Variants in SYNPR observed in about 807,000 individuals in gnomAD.
SYNPR encodes synaptoporin.
SYNPR carries 23 observed loss-of-function variants against 32.9 expected under a neutral mutation model. The ratio of observed to expected loss-of-function variants is 0.70; its 90% CI spans 0.50 to 0.99. The LOEUF (loss-of-function observed/expected upper bound fraction) is 0.99. Among genes scored for constraint, SYNPR ranks in the 50% least tolerant of loss-of-function variants. The probability of loss-of-function intolerance (pLI) is 0.00; values close to 1 mark genes in which losing one functional copy is unlikely to be tolerated. For synonymous variants in SYNPR, 146 were observed against 135.9 expected, an observed-to-expected ratio of 1.07 and a Z score of -0.52; for missense variants, 318 against 349.3, an observed-to-expected ratio of 0.91 and a Z score of 0.71.
chr3:63,433,781 G>T (rs1373144728), intron 2 of SYNPR, among the ~76,000 whole-genome samples: 2 of 152,118 alleles, frequency 1.3e-5, no homozygotes, highest in Admixed American at 6.6e-5. Context: ...TAAAATTGTA[G>T]AAATTTTGCC....
intron 3 of SYNPR, among the ~76,000 whole-genome samples, chr3:63,505,674 T>A (rs1161210522): frequency 6.6e-6 from 1 of 152,240 alleles, no homozygotes; most frequent in African/African-American, 2.4e-5. Context: ...AACAGCATGC[T>A]TACATTGCAA....
At chr3:63,354,793 T>C (rs886967743) in intron 2 of SYNPR, among the ~76,000 whole-genome samples, 2 of 152,216 alleles carry the variant, frequency 1.3e-5, no homozygotes, top group African/African-American at 4.8e-5. Context: ...ATCATTTGCA[T>C]CTTCAGGCAG....
At chr3:63,361,475 G>A (rs1351916406) in intron 2 of SYNPR, among the ~76,000 whole-genome samples, 1 of 151,954 alleles carries the variant, frequency 6.6e-6, no homozygotes, top group Non-Finnish European at 1.5e-5. Context: ...GCGGGCTCCT[G>A]TAGTCGCAGC....
At chr3:63,205,359 T>A in the SYNPR span, among the ~76,000 whole-genome samples, 5 of 152,380 alleles carry the variant, frequency 3.3e-5, no homozygotes, top group East Asian at 9.6e-4. Context: ...CAGATGTCCC[T>A]ACCTGTCCAA....
At chr3:63,505,225 C>T (rs1701565113) in intron 3 of SYNPR, among the ~76,000 whole-genome samples, 1 of 152,094 alleles carries the variant, frequency 6.6e-6, no homozygotes, top group Admixed American at 6.6e-5. Context: ...TAGGTTGAAG[C>T]ATATGAAATT....
At chr3:63,459,120 A>G (rs1700536603) in intron 2 of SYNPR, among the ~76,000 whole-genome samples, 1 of 151,838 alleles carries the variant, frequency 6.6e-6, no homozygotes, top group Admixed American at 6.6e-5. Context: ...TCTGCTCCAA[A>G]ACTTTCCACT....
intron 4 of SYNPR, among the ~76,000 whole-genome samples, chr3:63,588,968 T>C (rs1703253400): frequency 6.6e-6 from 1 of 152,096 alleles, no homozygotes; most frequent in Non-Finnish European, 1.5e-5. Context: ...CTTCTCCTCA[T>C]GCTAATACCT....
At chr3:63,303,727 G>C (rs1023608960) in intron 2 of SYNPR, among the ~76,000 whole-genome samples, 3 of 151,934 alleles carry the variant, frequency 2.0e-5, no homozygotes, top group Admixed American at 2.0e-4. Flanking sequence ...TAAAATACTA[G>C]AAGAAGGCTG....
chr3:63,348,188 A>T (rs71298647), intron 2 of SYNPR, among the ~76,000 whole-genome samples: 6,757 of 152,172 alleles, frequency 0.044, 210 homozygotes, highest in Non-Finnish European at 0.067. Flanking sequence ...CCTAACCAAC[A>T]TGTTATTTTA....
intron 3 of SYNPR, among the ~76,000 whole-genome samples, chr3:63,514,877 G>C (rs188115764): frequency 5.5e-4 from 83 of 152,156 alleles, no homozygotes; most frequent in African/African-American, 2.0e-3. Flanking sequence ...GCAGGAGCTT[G>C]GCAGTCCTCT....
intron 2 of SYNPR, among the ~76,000 whole-genome samples, chr3:63,367,397 T>C (rs375284663): frequency 1.3e-5 from 2 of 149,940 alleles, no homozygotes; most frequent in Admixed American, 1.3e-4. Flanking sequence ...TCTGGCTCTA[T>C]CTCCCAGGCT....
At chr3:63,357,067 A>C (rs2087592962) in intron 2 of SYNPR, among the ~76,000 whole-genome samples, 3 of 152,130 alleles carry the variant, frequency 2.0e-5, no homozygotes, top group Admixed American at 2.0e-4. Flanking sequence ...AATCTTTGTT[A>C]CTCTTTGTGA....
intron 2 of SYNPR, among the ~76,000 whole-genome samples, chr3:63,418,879 T>G (rs1457191159): frequency 6.6e-6 from 1 of 152,188 alleles, no homozygotes; most frequent in East Asian, 1.9e-4. Flanking sequence ...CCTTTTAATC[T>G]GGAAAGTCTG....
intron 1 of SYNPR, among the ~76,000 whole-genome samples, chr3:63,238,715 T>C (rs764720826): frequency 1.3e-5 from 2 of 152,172 alleles, no homozygotes; most frequent in Non-Finnish European, 2.9e-5. Flanking sequence ...AGCTTATATG[T>C]TTTGACATTC....
chr3:63,226,175 GCTAC>G (rs2086126744), upstream of SYNPR, among the ~76,000 whole-genome samples: 1 of 151,986 alleles, frequency 6.6e-6, no homozygotes, highest in Non-Finnish European at 1.5e-5. Flanking sequence ...AGTTAGAATG[GCTAC>G]CATTTAAAAG....
chr3:63,502,621 G>C (rs1341730143), intron 3 of SYNPR, among the ~76,000 whole-genome samples: 1 of 152,052 alleles, frequency 6.6e-6, no homozygotes, highest in Non-Finnish European at 1.5e-5. Flanking sequence ...GCTTTTTCCA[G>C]AATGGCATAT....
Position 63,436,986 on chromosome 3 carries a change from C to A in SYNPR, c.85-43846C>A, listed in dbSNP as rs1175610073. Among the ~76,000 whole-genome samples the A allele has an allele frequency of 3.9e-5, 6 of 152,158 alleles. No homozygotes were observed. In the East Asian group the frequency reaches 9.7e-4, roughly 25 times the overall value. ...CCGCCTCCCGGGTTCAAGCAATTCTCCTGCCTCAGCCTCCTGAGTAGCTGG... is the reference window on the plus strand; with the variant it reads ...CCGCCTCCCGGGTTCAAGCAATTCTACTGCCTCAGCCTCCTGAGTAGCTGG... On this transcript the variant is annotated intron_variant, in intron 2 of 5. Transcript: ENST00000478300.
intron 2 of SYNPR, among the ~76,000 whole-genome samples, chr3:63,368,724 C>A (rs2087757249): frequency 6.6e-6 from 1 of 151,928 alleles, no homozygotes; most frequent in African/African-American, 2.4e-5. Context: ...CAGACTGAAC[C>A]AGGAAAGATA....
At chr3:63,507,153 T>TAAAAAAAAAAA in intron 3 of SYNPR, among the ~76,000 whole-genome samples, 1 of 116,794 alleles carries the variant, frequency 8.6e-6, no homozygotes, top group Non-Finnish European at 1.9e-5. Flanking sequence ...TCTCAAAAAA[T>TAAAAAAAAAAA]AAAAAAAAAA....
Sources: allele counts gnomAD v4.1 joint callset (sites outside exome capture counted in the v4.1 genomes callset), GRCh38; gene constraint gnomAD v4.1.1; transcripts MANE v1.5; gene names NCBI Gene and HGNC (gene_info 2026-07-23, HGNC 2026-07-21).